Variants in SH3PXD2A observed in about 807,000 individuals in gnomAD.
SH3PXD2A encodes the protein SH3 and PX domain-containing protein 2A.
In SH3PXD2A, 32 loss-of-function variants were observed where a neutral mutation model predicts 115.2. That is an observed-to-expected ratio of 0.28 (90% CI 0.21 to 0.37). SH3PXD2A has a LOEUF of 0.37. Among genes scored for constraint, SH3PXD2A ranks in the 10% least tolerant of loss-of-function variants. The pLI, the probability that SH3PXD2A is intolerant of heterozygous loss-of-function variation, is 1.00. For synonymous variants in SH3PXD2A, 610 were observed against 629.1 expected (o/e 0.97, Z 0.45); for missense variants, 1,328 against 1,498.7 (o/e 0.89, Z 1.88).
chr10:103,675,792 T>C (rs1293098612), intron 6 of SH3PXD2A, among the ~76,000 whole-genome samples: 1 of 152,178 alleles, frequency 6.6e-6, no homozygotes, highest in Non-Finnish European at 1.5e-5. Flanking sequence ...CCTGTAACCT[T>C]AGCACTTTGG....
Position 103,594,880 on chromosome 10 carries a change from A to G in SH3PXD2A, c.*6936T>C, listed in dbSNP as rs895204973. 6.6e-6 allele frequency: 1 copy of G among 152,212 alleles called. No individual in the cohort carries two copies. The highest frequency in any genetic ancestry group is 1.5e-5 in the Non-Finnish European group (1 of 68,040). 9.4% of individuals were successfully genotyped at this position (152,212 alleles called of 1,614,324 possible). A position where few individuals can be genotyped will look rare whatever the true frequency, so the allele number is the denominator to read the frequency against. On this transcript the variant is annotated 3_prime_UTR_variant, in exon 15 of 15. Transcript: ENST00000369774. ...ATACTTGAGAATGACTGGTACCAACAAGACGACAAAGGAGGTTGCCTTCCT... is the reference window on the plus strand; with the variant it reads ...ATACTTGAGAATGACTGGTACCAACGAGACGACAAAGGAGGTTGCCTTCCT...
Position 103,769,184 on chromosome 10 carries a change from G to GCA in SH3PXD2A, c.154-2016_154-2015insTG, listed in dbSNP as rs1564884561. ...TGTGTGTGTGTGTGTGTGTGTGTGC[G>GCA]CGCGCGCGCGCATTTATTTCCATCC... On this transcript the variant is annotated intron_variant, in intron 2 of 14. Coordinates refer to ENST00000369774, the MANE Select transcript of SH3PXD2A (RefSeq NM_001394015.1). 6.3e-5 allele frequency among the ~76,000 whole-genome samples: 9 copies of GCA among 142,468 alleles called. No homozygotes were observed. The East Asian group carries it at 1.3e-3, about 21-fold the overall frequency. 93.5% of individuals were successfully genotyped at this position (142,468 alleles called of 152,430 possible). A position where few individuals can be genotyped will look rare whatever the true frequency, so the allele number is the denominator to read the frequency against.
chr10:103,657,712 C>T (rs2037231868), intron 8 of SH3PXD2A, among the ~76,000 whole-genome samples: 1 of 152,234 alleles, frequency 6.6e-6, no homozygotes, highest in Admixed American at 6.5e-5. Context: ...GTCCTAGGTA[C>T]ACATCACCTT....
chr10:103,700,050 C>T (rs1414979567), intron 5 of SH3PXD2A, among the ~76,000 whole-genome samples: 1 of 152,246 alleles, frequency 6.6e-6, no homozygotes, highest in Non-Finnish European at 1.5e-5. Context: ...TGCTGCTGCC[C>T]TGTCCACAGC....
In SH3PXD2A at chr10:103,716,398, G is replaced by A. The variant is rs146415282; in HGVS notation, c.398+7872C>T. Among the ~76,000 whole-genome samples, 316 of 152,276 alleles carry A rather than the reference G, an allele frequency of 2.1e-3. 1 individual carries two copies. Among genetic ancestry groups the A allele is most frequent in the African/African-American group, 7.4e-3 (306 of 41,556 alleles). On this transcript the variant is annotated intron_variant, in intron 5 of 14. Transcript: ENST00000369774. ...ATCCTCCTCTCACCCCAGGTCCCTCGGAACATTGGGGCATTGTTCTACTGT... is the reference window on the plus strand; with the variant it reads ...ATCCTCCTCTCACCCCAGGTCCCTCAGAACATTGGGGCATTGTTCTACTGT...
chr10:103,637,975 T>A (rs2036892143), intron 8 of SH3PXD2A, among the ~76,000 whole-genome samples: 1 of 152,152 alleles, frequency 6.6e-6, no homozygotes, highest in Admixed American at 6.5e-5. Context: ...TTAAGACCAG[T>A]GAAAGGCTGC....
In SH3PXD2A at chr10:103,778,311, G is replaced by A. The variant is rs139759339; in HGVS notation, c.154-11142C>T. ...CGTGCCACTGCACTCCAGCCTGGGC[G>A]ATAGAGCGAGACTCCGTCTCCAGAA... On this transcript the variant is annotated intron_variant, in intron 2 of 14. Transcript: ENST00000369774. Among the ~76,000 whole-genome samples the A allele has an allele frequency of 5.5e-3, 839 of 152,270 alleles. 6 individuals are homozygous for A. Among genetic ancestry groups the A allele is most frequent in the African/African-American group, 0.019 (803 of 41,552 alleles).
chr10:103,767,810 G>GTTTTCTT (rs1490820010), intron 2 of SH3PXD2A, among the ~76,000 whole-genome samples: 1 of 67,742 alleles, frequency 1.5e-5, no homozygotes, highest in African/African-American at 5.6e-5. Flanking sequence ...CAACTGTTTT[G>GTTTTCTT]TTTTTTTTTT....
At chr10:103,692,118 G>A (rs1442903662) in intron 6 of SH3PXD2A, among the ~76,000 whole-genome samples, 1 of 152,114 alleles carries the variant, frequency 6.6e-6, no homozygotes, top group Non-Finnish European at 1.5e-5. Context: ...GCCAATCCAC[G>A]TGTCAGCACG....
rs1365585866 is a variant in SH3PXD2A, at chr10:103,613,027, G to A, written c.1084C>T (p.Pro362Ser). The change falls in exon 12 of 15, where the codon CCA (proline) becomes TCA (serine). Residue 362 changes from proline (P) to serine (S), a missense_variant. Coordinates refer to ENST00000369774, the MANE Select transcript of SH3PXD2A (RefSeq NM_001394015.1). ...TCATGGCCCTCGCCTTCGGCTGGTG[G>A]AGTTTCCTTGTCCCCAGACGCCTTC... is the stretch of plus-strand genomic sequence containing the variant. ...NKKASGDKET[P>S]PAEGEGHEAP... 1 of 1,614,266 alleles carries A rather than the reference G, an allele frequency of 6.2e-7. No individual in the cohort carries two copies. The highest frequency in any genetic ancestry group is 8.5e-7 in the Non-Finnish European group (1 of 1,180,044).
At chr10:103,791,645 C>A (rs2039037390) in intron 2 of SH3PXD2A, among the ~76,000 whole-genome samples, 2 of 151,938 alleles carry the variant, frequency 1.3e-5, no homozygotes, top group South Asian at 4.2e-4. Context: ...ATGCTCTATC[C>A]CCGCTGCCAC....
At chr10:103,795,501 GGA>G (rs1431316547) in intron 2 of SH3PXD2A, among the ~76,000 whole-genome samples, 1 of 152,102 alleles carries the variant, frequency 6.6e-6, no homozygotes, top group Non-Finnish European at 1.5e-5. Context: ...ACTTGTCTGG[GGA>G]GAGAGTCTTT....
chr10:103,607,191 C>CG (rs1199739888), intron 13 of SH3PXD2A, among the ~76,000 whole-genome samples: 3 of 151,722 alleles, frequency 2.0e-5, no homozygotes, highest in Non-Finnish European at 4.4e-5. Context: ...GCCGCGACCC[C>CG]GTCTGGGAGG....
chr10:103,728,900 T>G (rs999632880), intron 4 of SH3PXD2A, among the ~76,000 whole-genome samples: 1 of 146,820 alleles, frequency 6.8e-6, no homozygotes, highest in South Asian at 2.1e-4. Flanking sequence ...TTTGTTTGTT[T>G]TTTTTTTTTT....
intron 2 of SH3PXD2A, among the ~76,000 whole-genome samples, chr10:103,794,370 G>GATCAAATATT: frequency 6.6e-6 from 1 of 152,292 alleles, no homozygotes; most frequent in East Asian, 1.9e-4. Flanking sequence ...TGCACTCGCT[G>GATCAAATATT]GCCAGAGTTC....
intron 13 of SH3PXD2A, among the ~76,000 whole-genome samples, chr10:103,608,150 T>TTAAAAAAAAAAAAAAAAGTTTACA (rs2036356171): frequency 3.1e-5 from 1 of 32,670 alleles, no homozygotes; most frequent in Admixed American, 4.1e-4. Context: ...ATGATCAATT[T>TTAAAAAAAAAAAAAAAAGTTTACA]AAAAAAAAAA....
intron 1 of SH3PXD2A, among the ~76,000 whole-genome samples, chr10:103,844,354 C>A (rs997546771): frequency 1.6e-4 from 25 of 152,228 alleles, no homozygotes; most frequent in African/African-American, 6.0e-4. Context: ...GCCGGCCAGG[C>A]CTCCTCCTCT....
At chr10:103,747,608 G>A (rs1314731142) in intron 3 of SH3PXD2A, among the ~76,000 whole-genome samples, 1 of 152,140 alleles carries the variant, frequency 6.6e-6, no homozygotes, top group Non-Finnish European at 1.5e-5. Flanking sequence ...GGGGCAGGCA[G>A]ATGGAAGTCC....
intron 4 of SH3PXD2A, among the ~76,000 whole-genome samples, chr10:103,726,369 G>T (rs1340283754): frequency 6.6e-6 from 1 of 152,150 alleles, no homozygotes; most frequent in Non-Finnish European, 1.5e-5. Context: ...GTCCTCATGA[G>T]GGCACAATTC....
Sources: allele counts gnomAD v4.1 joint callset (sites outside exome capture counted in the v4.1 genomes callset), GRCh38; gene constraint gnomAD v4.1.1; transcripts MANE v1.5; gene names NCBI Gene and HGNC (gene_info 2026-07-23, HGNC 2026-07-21).